Variants in XYLT1 observed in about 807,000 individuals in gnomAD.
XYLT1 encodes xylosyltransferase 1, also known as beta-D-xylosyltransferase 1.
In XYLT1, 36 loss-of-function variants were observed where a neutral mutation model predicts 91.3. The observed-to-expected ratio is 0.39, with a 90% CI of 0.30 to 0.52. The LOEUF (loss-of-function observed/expected upper bound fraction) is 0.52. XYLT1 is among the 20% of genes least tolerant of loss of function. The probability of loss-of-function intolerance (pLI) is 0.68; values close to 1 mark genes in which losing one functional copy is unlikely to be tolerated. For missense variants in XYLT1, 1,242 were observed against 1,284.5 expected, an observed-to-expected ratio of 0.97 and a Z score of 0.51; for synonymous variants, 588 against 532.0, an observed-to-expected ratio of 1.11 and a Z score of -1.45.
At chr16:17,125,409 G>C (rs1002272527) in intron 10 of XYLT1, among the ~76,000 whole-genome samples, 1 of 151,894 alleles carries the variant, frequency 6.6e-6, no homozygotes, top group Non-Finnish European at 1.5e-5. Flanking sequence ...CATCTTTCCC[G>C]GGCCTGCAAG....
rs149894097 is a variant in XYLT1, at chr16:17,139,698, G to A, written c.1588-1167C>T. 5.6e-3 allele frequency among the ~76,000 whole-genome samples: 859 copies of A among 152,286 alleles called. 10 individuals carry two copies. The highest frequency in any genetic ancestry group is 0.019 in the African/African-American group (789 of 41,554). On this transcript the variant is annotated intron_variant, in intron 7 of 11. Transcript: ENST00000261381. The stretch of plus-strand genomic sequence containing the variant: ...GGGAAGATGTACCCAATTACTGATT[G>A]CCCTGTGTCCTTTCATAATGATACA...
At chr16:17,358,130 C>CTTT (rs573822407) in intron 1 of XYLT1, 80 bp from the exon 2 acceptor site, 313 of 1,117,902 alleles carry the variant, frequency 2.8e-4, no homozygotes, top group Middle Eastern at 5.0e-4. Context: ...TCTTTCTTTC[C>CTTT]TTTTTTTTTT....
intron 1 of XYLT1, among the ~76,000 whole-genome samples, chr16:17,447,065 CAGTT>C (rs886252678): frequency 2.7e-5 from 4 of 149,302 alleles, no homozygotes; most frequent in Non-Finnish European, 4.5e-5. Context: ...TTTCACAACT[CAGTT>C]AGCAGCAATC....
Sources: allele counts gnomAD v4.1 joint callset (sites outside exome capture counted in the v4.1 genomes callset), GRCh38; gene constraint gnomAD v4.1.1; transcripts MANE v1.5; gene names NCBI Gene and HGNC (gene_info 2026-07-23, HGNC 2026-07-21).